Variants in MYH16 observed in about 807,000 individuals in gnomAD.
The protein encoded by MYH16 is putative uncharacterized protein MYH16.
At chr7:99,275,612 A>T (rs1160504564) in intron 20 of MYH16, among the ~76,000 whole-genome samples, 1 of 152,188 alleles carries the variant, frequency 6.6e-6, no homozygotes, top group Admixed American at 6.5e-5. Flanking sequence ...ATACAATTAG[A>T]CTCTGGGAAG....
At chr7:99,294,341 C>G (rs755270365) in intron 33 of MYH16, among the ~76,000 whole-genome samples, 191 bp downstream of exon 14, 6 of 151,356 alleles carry the variant, frequency 4.0e-5, no homozygotes, top group Non-Finnish European at 7.4e-5. Context: ...TGAACTCTTC[C>G]GAGATCTAAC....
chr7:99,300,634 C>A (rs180705615), intron 37 of MYH16, among the ~76,000 whole-genome samples: 6 of 152,168 alleles, frequency 3.9e-5, no homozygotes, highest in Admixed American at 1.3e-4. Flanking sequence ...TAGCGAGACC[C>A]CATCTCCACA....
At chr7:99,259,020 G>C (rs1791906734) in intron 11 of MYH16, among the ~76,000 whole-genome samples, 1 of 152,118 alleles carries the variant, frequency 6.6e-6, no homozygotes, top group Non-Finnish European at 1.5e-5. Context: ...GAGAGCAAGG[G>C]GGGAGGTGCC....
chr7:99,262,599 G>C (rs1791948721), intron 13 of MYH16, among the ~76,000 whole-genome samples: 1 of 152,180 alleles, frequency 6.6e-6, no homozygotes, highest in African/African-American at 2.4e-5. Context: ...ACAGGAGATG[G>C]CAAACCCAGA....
At chr7:99,274,816 T>C (rs368341359) in intron 20 of MYH16, among the ~76,000 whole-genome samples, 55 of 151,706 alleles carry the variant, frequency 3.6e-4, no homozygotes, top group African/African-American at 1.3e-3. Context: ...TGGGATTACA[T>C]GCATCTGCCA....
At chr7:99,249,436 G>A (rs1053260031) in intron 4 of MYH16, among the ~76,000 whole-genome samples, 16 of 151,292 alleles carry the variant, frequency 1.1e-4, no homozygotes, top group African/African-American at 3.4e-4. Flanking sequence ...CTACTCAGGA[G>A]GCTGAGGCAG....
At chr7:99,279,124 G>A (rs1041723069) in intron 21 of MYH16, among the ~76,000 whole-genome samples, 1 of 152,044 alleles carries the variant, frequency 6.6e-6, no homozygotes, top group Admixed American at 6.5e-5. Flanking sequence ...CTAGAAGGTC[G>A]AGGCTGCAGT....
intron 18 of MYH16, among the ~76,000 whole-genome samples, chr7:99,268,070 G>A (rs1198989549): frequency 6.6e-6 from 1 of 152,206 alleles, no homozygotes; most frequent in Non-Finnish European, 1.5e-5. Context: ...AGGCTCTAGG[G>A]ACACACAGTG....
intron 21 of MYH16, among the ~76,000 whole-genome samples, chr7:99,277,916 T>TGTGTGTGTGTGTGAGA (rs1478749471): frequency 7.6e-6 from 1 of 132,226 alleles, no homozygotes; most frequent in African/African-American, 3.0e-5. Flanking sequence ...TGTGTGTGTG[T>TGTGTGTGTGTGTGAGA]GAGAGAGAGA....
chr7:99,250,690 C>A (rs779521365), intron 5 of MYH16, among the ~76,000 whole-genome samples: 1 of 151,784 alleles, frequency 6.6e-6, no homozygotes, highest in Non-Finnish European at 1.5e-5. Context: ...TGCAGTAAGC[C>A]GAGATCGTGC....
intron 20 of MYH16, among the ~76,000 whole-genome samples, chr7:99,276,046 G>T (rs912950554): frequency 2.6e-5 from 4 of 152,158 alleles, no homozygotes; most frequent in Admixed American, 2.6e-4. Flanking sequence ...TTTTGTTGTT[G>T]TTGTTCTAAA....
intron 2 of MYH16, among the ~76,000 whole-genome samples, chr7:99,246,202 T>A (rs1307436118): frequency 1.5e-5 from 2 of 137,074 alleles, no homozygotes; most frequent in Non-Finnish European, 1.5e-5. Context: ...CAAGGCTCTG[T>A]CTCTAAAAAA....
chr7:99,271,441 G>A (rs1347383419), intron 19 of MYH16, among the ~76,000 whole-genome samples: 3 of 152,160 alleles, frequency 2.0e-5, no homozygotes, highest in South Asian at 4.1e-4. Flanking sequence ...TCCGGGAGGC[G>A]GAGGTTGCAG....
At chr7:99,279,563 C>G (rs781533389) in exon 22 of MYH16, 1 of 456,396 alleles carries the variant, frequency 2.2e-6, no homozygotes, top group African/African-American at 2.0e-5. Flanking sequence ...TGATGAAGAC[C>G]AAGATGGATC....
chr7:99,275,012 T>G (rs1279496738), intron 20 of MYH16, among the ~76,000 whole-genome samples: 3 of 152,076 alleles, frequency 2.0e-5, no homozygotes, highest in Admixed American at 2.0e-4. Context: ...AATTTTTTTT[T>G]GACACAGGGT....
intron 29 of MYH16, among the ~76,000 whole-genome samples, 197 bp downstream of exon 10, chr7:99,288,334 G>A (rs1454982410): frequency 6.6e-6 from 1 of 152,178 alleles, no homozygotes; most frequent in Non-Finnish European, 1.5e-5. Context: ...AGCTACTCAG[G>A]AGGCTGAGGC....
intron 17 of MYH16, among the ~76,000 whole-genome samples, chr7:99,266,248 G>C (rs570500472): frequency 1.3e-5 from 2 of 152,076 alleles, no homozygotes; most frequent in Admixed American, 6.5e-5. Context: ...CCCCCATAAC[G>C]TGCCTTTTAT....
chr7:99,254,569 A>C (rs1791851216), intron 8 of MYH16, among the ~76,000 whole-genome samples: 1 of 152,220 alleles, frequency 6.6e-6, no homozygotes, highest in South Asian at 2.1e-4. Flanking sequence ...CACAGCCCAC[A>C]CCAGGCACAC....
At chr7:99,277,673 C>T (rs1294849868) in exon 21 of MYH16, 2 of 456,762 alleles carry the variant, frequency 4.4e-6, no homozygotes, top group South Asian at 1.5e-5. Flanking sequence ...CAGCCACGCT[C>T]AGCCAGGAGA....
Sources: allele counts gnomAD v4.1 joint callset (sites outside exome capture counted in the v4.1 genomes callset), GRCh38; gene constraint gnomAD v4.1.1; transcripts MANE v1.5; gene names NCBI Gene and HGNC (gene_info 2026-07-23, HGNC 2026-07-21).